The following GRIA4 variants were observed in gnomAD, a reference collection of about 807,000 sequenced individuals.
The protein encoded by GRIA4 is glutamate receptor 4.
Under a neutral mutation model 104.0 loss-of-function variants are expected in GRIA4, and 34 were observed. The observed-to-expected ratio is 0.33, with a 90% CI of 0.25 to 0.44. The LOEUF is 0.44. GRIA4 is among the 20% of genes least tolerant of loss of function. GRIA4 has a pLI of 1.00. For synonymous variants in GRIA4, 386 were observed against 381.9 expected (o/e 1.01, Z -0.13); for missense variants, 750 against 1,096.5 (o/e 0.68, Z 4.46).
At chr11:105,969,612 A>G (rs1858577586) in intron 14 of GRIA4, among the ~76,000 whole-genome samples, 1 of 152,152 alleles carries the variant, frequency 6.6e-6, no homozygotes, top group Non-Finnish European at 1.5e-5. Flanking sequence ...GAAGAAACTT[A>G]AAGGAAACTC....
intron 4 of GRIA4, among the ~76,000 whole-genome samples, chr11:105,764,799 A>G (rs549673718): frequency 2.4e-4 from 37 of 152,220 alleles, no homozygotes; most frequent in Non-Finnish European, 3.7e-4. Context: ...TAAACAGGAA[A>G]AAAAAAAGCT....
chr11:105,974,748 T>A (rs772641413), intron 16 of GRIA4: 1 of 537,598 alleles, frequency 1.9e-6, no homozygotes, highest in Non-Finnish European at 3.3e-6. Context: ...CCAATAGATA[T>A]CTGCATTGCA....
chr11:105,698,808 C>T (rs1297405237), intron 3 of GRIA4, among the ~76,000 whole-genome samples: 3 of 152,168 alleles, frequency 2.0e-5, no homozygotes, highest in African/African-American at 4.8e-5. Flanking sequence ...GCTGAAAGAC[C>T]TATTTAGGAA....
chr11:105,693,749 T>C (rs547403864), intron 3 of GRIA4, among the ~76,000 whole-genome samples: 1 of 152,310 alleles, frequency 6.6e-6, no homozygotes, highest in African/African-American at 2.4e-5. Flanking sequence ...GTATGAAATA[T>C]GTCTTGAGAA....
intron 3 of GRIA4, among the ~76,000 whole-genome samples, chr11:105,725,473 A>G (rs1279044864): frequency 6.6e-6 from 1 of 152,188 alleles, no homozygotes; most frequent in African/African-American, 2.4e-5. Flanking sequence ...ACCTGATTAT[A>G]GCCATAGAGG....
intron 3 of GRIA4, among the ~76,000 whole-genome samples, chr11:105,655,575 TA>T (rs1489828034): frequency 6.6e-6 from 1 of 151,726 alleles, no homozygotes. Context: ...ACTTATGACT[TA>T]TGTGGTGTTT....
chr11:105,668,690 T>TTTTTTTG (rs1240776814), intron 3 of GRIA4, among the ~76,000 whole-genome samples: 1 of 150,684 alleles, frequency 6.6e-6, no homozygotes, highest in Non-Finnish European at 1.5e-5. Context: ...TTTTTTTTTT[T>TTTTTTTG]TTGAGATAGA....
intron 4 of GRIA4, among the ~76,000 whole-genome samples, chr11:105,834,958 C>A (rs1944121480): frequency 6.6e-6 from 1 of 151,852 alleles, no homozygotes; most frequent in Non-Finnish European, 1.5e-5. Context: ...GAGTTTCAAT[C>A]AATATATGTA....
chr11:105,738,297 T>C (rs940040430), intron 3 of GRIA4, among the ~76,000 whole-genome samples: 1 of 152,196 alleles, frequency 6.6e-6, no homozygotes, highest in African/African-American at 2.4e-5. Flanking sequence ...ACCTTTCACA[T>C]ATGACCTCTT....
chr11:105,926,780 C>T lies in GRIA4; in HGVS notation c.1887C>T (p.Phe629=). The change falls in exon 13 of 17, where the codon TTC becomes TTT. Residue 629 remains phenylalanine (F), a synonymous_variant. Coordinates refer to ENST00000282499, the MANE Select transcript of GRIA4 (RefSeq NM_000829.4). ...GAATTGTTGGAGGTGTTTGGTGGTT[C>T]TTTACACTCATCATTATATCATCTT... ...SGRIVGGVWW[F]FTLIIISSYT... is the part of the protein sequence containing the mutation. 6.2e-7 allele frequency: 1 copy of T among 1,610,526 alleles called. No homozygotes were observed. The highest frequency in any genetic ancestry group is 8.5e-7 in the Non-Finnish European group (1 of 1,177,058).
intron 5 of GRIA4, among the ~76,000 whole-genome samples, chr11:105,885,647 G>A (rs753487365): frequency 1.3e-4 from 20 of 152,190 alleles, no homozygotes; most frequent in African/African-American, 4.8e-4. Context: ...CCAATAAAAG[G>A]GTATAGCTGA....
At chr11:105,880,552 T>A (rs1442200946) in intron 5 of GRIA4, among the ~76,000 whole-genome samples, 1 of 152,308 alleles carries the variant, frequency 6.6e-6, no homozygotes, top group East Asian at 1.9e-4. Context: ...GCATATAAAG[T>A]GATCTAAAAT....
intron 3 of GRIA4, among the ~76,000 whole-genome samples, chr11:105,629,248 A>AAAATAAAT (rs56314166): frequency 7.5e-5 from 11 of 147,096 alleles, no homozygotes; most frequent in African/African-American, 2.2e-4. Flanking sequence ...AAATAAACTA[A>AAAATAAAT]AAATAAATAA....
chr11:105,734,096 T>A (rs919329095), intron 3 of GRIA4, among the ~76,000 whole-genome samples: 2 of 148,366 alleles, frequency 1.3e-5, no homozygotes, highest in South Asian at 2.1e-4. Flanking sequence ...TATATATATA[T>A]AAAATATCTT....
intron 3 of GRIA4, among the ~76,000 whole-genome samples, chr11:105,714,904 T>C (rs1263260787): frequency 6.6e-6 from 1 of 152,086 alleles, no homozygotes; most frequent in Admixed American, 6.6e-5. Flanking sequence ...GGTTCACTAA[T>C]GTCCACAAAA....
intron 3 of GRIA4, among the ~76,000 whole-genome samples, chr11:105,719,966 G>C (rs748560772): frequency 1.3e-5 from 2 of 151,876 alleles, no homozygotes; most frequent in Non-Finnish European, 2.9e-5. Flanking sequence ...TTCATCATAA[G>C]ATCCCTCAGC....
intron 3 of GRIA4, among the ~76,000 whole-genome samples, chr11:105,687,410 T>A (rs78849522): frequency 6.6e-6 from 1 of 152,302 alleles, no homozygotes; most frequent in East Asian, 1.9e-4. Flanking sequence ...TTATGCTATA[T>A]AGAAGGCAGA....
chr11:105,806,360 C>T (rs988239053), intron 4 of GRIA4, among the ~76,000 whole-genome samples: 1 of 151,750 alleles, frequency 6.6e-6, no homozygotes, highest in African/African-American at 2.4e-5. Context: ...CAAAGGAGAA[C>T]AAACAATTCA....
Position 105,615,757 on chromosome 11 carries a change from T to G in GRIA4, c.247+3323T>G, listed in dbSNP as rs187856644. 8.6e-5 allele frequency among the ~76,000 whole-genome samples: 13 copies of G among 151,938 alleles called. No homozygotes were observed. The East Asian group carries it at 2.3e-3, about 27-fold the overall frequency. ...TATGTCCATCACAAAACATTTGAGATAACCCAAAAGCTGGCTGTTTTCTCA... is the reference window on the plus strand; with the variant it reads ...TATGTCCATCACAAAACATTTGAGAGAACCCAAAAGCTGGCTGTTTTCTCA... On this transcript the variant is annotated intron_variant, in intron 3 of 16. Transcript: ENST00000282499.
Sources: allele counts gnomAD v4.1 joint callset (sites outside exome capture counted in the v4.1 genomes callset), GRCh38; gene constraint gnomAD v4.1.1; transcripts MANE v1.5; gene names NCBI Gene and HGNC (gene_info 2026-07-23, HGNC 2026-07-21).